GPM6B: variants seen among roughly 807,000 people sequenced by gnomAD.
GPM6B encodes glycoprotein M6B.
Under a neutral mutation model 27.2 loss-of-function variants are expected in GPM6B, and 4 were observed. That is an observed-to-expected ratio of 0.15 (90% CI 0.07 to 0.34). The LOEUF (loss-of-function observed/expected upper bound fraction) is 0.34. Among genes scored for constraint, GPM6B ranks in the 10% least tolerant of loss-of-function variants. GPM6B has a pLI of 1.00. For missense variants in GPM6B, 183 were observed against 261.9 expected (o/e 0.70, Z 2.08); for synonymous variants, 124 against 103.1 (o/e 1.20, Z -1.23).
At chrX:13,883,721 C>T (rs1473956683) in intron 1 of GPM6B, among the ~76,000 whole-genome samples, 4 of 104,437 alleles carry the variant, frequency 3.8e-5, no homozygotes, top group Admixed American at 1.0e-4. Flanking sequence ...ATTAGTCAGG[C>T]GTGGTGGTAC....
At chrX:13,789,635 C>T (rs1307848775) in intron 2 of GPM6B, among the ~76,000 whole-genome samples, 12 of 110,820 alleles carry the variant, frequency 1.1e-4, no homozygotes, top group South Asian at 3.9e-4. Flanking sequence ...ATTAGCTGGG[C>T]GTGGTGGTGG....
intron 1 of GPM6B, among the ~76,000 whole-genome samples, chrX:13,860,425 C>T (rs1404592067): frequency 9.9e-6 from 1 of 101,382 alleles, no homozygotes; most frequent in Non-Finnish European, 2.0e-5. Context: ...TCACTACAAT[C>T]CCAAAACGTG....
At chrX:13,877,543 C>G (rs1402459516) in intron 1 of GPM6B, among the ~76,000 whole-genome samples, 2 of 110,344 alleles carry the variant, frequency 1.8e-5, no homozygotes, top group African/African-American at 6.6e-5. Context: ...AAAAAATGAA[C>G]CAGGCACAGT....
chrX:13,849,628 T>C (rs1285969658), intron 1 of GPM6B, among the ~76,000 whole-genome samples: 1 of 112,163 alleles, frequency 8.9e-6, no homozygotes, highest in Non-Finnish European at 1.9e-5. Flanking sequence ...GCTAAAGTCA[T>C]CAGCACAAGA....
chrX:13,842,189 A>G (rs913268032), intron 1 of GPM6B, among the ~76,000 whole-genome samples: 1 of 112,390 alleles, frequency 8.9e-6, no homozygotes, highest in African/African-American at 3.2e-5. Flanking sequence ...GAAAATTGTC[A>G]TTGCATTCAG....
Position 13,788,981 on chromosome X carries a change from G to A in GPM6B, c.182-3173C>T, listed in dbSNP as rs140577708. 3.6e-3 allele frequency among the ~76,000 whole-genome samples: 401 copies of A among 111,745 alleles called. 1 individual carries two copies. The highest frequency in any genetic ancestry group is 0.012 in the African/African-American group (383 of 30,770). On this transcript the variant is annotated intron_variant, in intron 2 of 7. Coordinates refer to ENST00000316715, the MANE Select transcript of GPM6B (RefSeq NM_001001995.3). ...CAATGCTCTTAGGTTTTCAGCAGAT[G>A]ATTTTATTTGTGGCTGTAGGAACCC...
intron 1 of GPM6B, among the ~76,000 whole-genome samples, chrX:13,823,522 T>A (rs1032010348): frequency 5.3e-5 from 2 of 38,050 alleles, no homozygotes; most frequent in African/African-American, 1.9e-4. Context: ...TGAACCTGGT[T>A]TTTTTTTTTT....
At chrX:13,926,459 C>T (rs1175870337) in intron 1 of GPM6B, among the ~76,000 whole-genome samples, 1 of 107,777 alleles carries the variant, frequency 9.3e-6, no homozygotes, top group Non-Finnish European at 1.9e-5. Flanking sequence ...AGCAGAGGAT[C>T]AAGAATAGGT....
intron 1 of GPM6B, among the ~76,000 whole-genome samples, chrX:13,834,577 T>C (rs971585732): frequency 7.1e-5 from 8 of 112,506 alleles, no homozygotes; most frequent in Middle Eastern, 4.6e-3. Context: ...GTAGTTGTGA[T>C]GATTGATAGG....
intron 1 of GPM6B, among the ~76,000 whole-genome samples, chrX:13,831,136 G>A (rs994010634): frequency 7.8e-5 from 8 of 102,418 alleles, no homozygotes; most frequent in Non-Finnish European, 1.4e-4. Flanking sequence ...ACAGGCTTAC[G>A]GTCCAATATA....
At chrX:13,899,809 T>G (rs1377011160) in intron 1 of GPM6B, among the ~76,000 whole-genome samples, 2 of 111,696 alleles carry the variant, frequency 1.8e-5, no homozygotes, top group East Asian at 5.6e-4. Context: ...CAGGTTGACA[T>G]GAGAATGAAA....
At chrX:13,788,882 A>G (rs1259940147) in intron 2 of GPM6B, among the ~76,000 whole-genome samples, 2 of 111,169 alleles carry the variant, frequency 1.8e-5, no homozygotes, top group African/African-American at 3.3e-5. Context: ...ATCTAGTTTT[A>G]TAACAGCAGG....
intron 1 of GPM6B, among the ~76,000 whole-genome samples, chrX:13,841,835 T>G (rs1215867686): frequency 1.8e-5 from 2 of 111,647 alleles, no homozygotes; most frequent in East Asian, 2.8e-4. Context: ...CTCTCTGCCA[T>G]GCTCACCCAC....
In GPM6B at chrX:13,801,402, C is replaced by T. The variant is rs137984364; in HGVS notation, c.181+6248G>A. Among the ~76,000 whole-genome samples, 302 of 111,940 alleles carry T rather than the reference C, an allele frequency of 2.7e-3. 2 individuals carry two copies. The highest frequency in any genetic ancestry group is 9.5e-3 in the African/African-American group (292 of 30,848). Reference sequence around the variant, plus strand: ...GAGAAGATTTTAGGAAACTGAGTGCCGAGCAAAGTTTTTAGGTGTTGCCTA... The same window carrying T: ...GAGAAGATTTTAGGAAACTGAGTGCTGAGCAAAGTTTTTAGGTGTTGCCTA... On this transcript the variant is annotated intron_variant, in intron 2 of 7. Transcript: ENST00000316715.
intron 1 of GPM6B, among the ~76,000 whole-genome samples, chrX:13,905,555 A>T (rs1217986944): frequency 8.9e-6 from 1 of 111,899 alleles, no homozygotes; most frequent in Non-Finnish European, 1.9e-5. Context: ...CATGAAGATG[A>T]CCGCCTCCAA....
chrX:13,807,867 G>A (rs1203030983), intron 1 of GPM6B, 98 bp from the exon 2 acceptor site: 2 of 836,513 alleles, frequency 2.4e-6, no homozygotes, highest in Admixed American at 2.9e-5. Context: ...AGGAAATGGG[G>A]AGTTTAAAAA....
intron 1 of GPM6B, among the ~76,000 whole-genome samples, chrX:13,831,684 G>A (rs1326269188): frequency 9.0e-6 from 1 of 111,416 alleles, no homozygotes; most frequent in Non-Finnish European, 1.9e-5. Flanking sequence ...TGTCAAAACT[G>A]TTTCTTTGAA....
chrX:13,877,748 C>A (rs2050050303), intron 1 of GPM6B, among the ~76,000 whole-genome samples: 1 of 93,280 alleles, frequency 1.1e-5, no homozygotes, highest in Non-Finnish European at 2.0e-5. Flanking sequence ...ATCACCTGAG[C>A]CTAGGGAGGT....
intron 1 of GPM6B, among the ~76,000 whole-genome samples, chrX:13,877,206 A>T (rs1050491790): frequency 1.8e-5 from 2 of 112,004 alleles, no homozygotes; most frequent in Non-Finnish European, 3.8e-5. Flanking sequence ...GGGATGCATC[A>T]TCTAGCAGTT....
Sources: allele counts gnomAD v4.1 joint callset (sites outside exome capture counted in the v4.1 genomes callset), GRCh38; gene constraint gnomAD v4.1.1; transcripts MANE v1.5; gene names NCBI Gene and HGNC (gene_info 2026-07-23, HGNC 2026-07-21).